CCDC60: variants seen among roughly 807,000 people sequenced by gnomAD.
CCDC60 encodes the protein coiled-coil domain-containing protein 60.
A neutral mutation model predicts 63.5 loss-of-function variants in CCDC60; 54 were observed. The observed-to-expected ratio is 0.85, with a 90% confidence interval of 0.68 to 1.07. The LOEUF (loss-of-function observed/expected upper bound fraction) is 1.07. CCDC60 is among the 50% of genes least tolerant of loss of function. The probability of loss-of-function intolerance (pLI) is 0.00; values close to 1 mark genes in which losing one functional copy is unlikely to be tolerated. For missense variants in CCDC60, 651 were observed against 684.3 expected (o/e 0.95, Z 0.54); for synonymous variants, 206 against 238.8 (o/e 0.86, Z 1.27).
At chr12:119,477,186 G>A (rs1951192647) in intron 3 of CCDC60, among the ~76,000 whole-genome samples, 3 of 152,212 alleles carry the variant, frequency 2.0e-5, no homozygotes, top group Non-Finnish European at 4.4e-5. Flanking sequence ...AATGCTGAGT[G>A]AGCATCCCAG....
intron 1 of CCDC60, among the ~76,000 whole-genome samples, chr12:119,348,216 A>G (rs1258269063): frequency 6.6e-6 from 1 of 152,180 alleles, no homozygotes; most frequent in Non-Finnish European, 1.5e-5. Context: ...ATACCAAAGA[A>G]TTTGAGACAC....
In CCDC60 at chr12:119,516,684, T is replaced by C. The variant is rs778204358; in HGVS notation, c.945T>C (p.Asn315=). 5.6e-6 allele frequency: 9 copies of C among 1,613,566 alleles called. No individual in the cohort carries two copies. The highest frequency in any genetic ancestry group is 1.1e-5 in the South Asian group (1 of 91,058). The change falls in exon 8 of 14, where the codon AAT becomes AAC. Residue 315 remains asparagine (N), a synonymous_variant. Coordinates refer to ENST00000327554, the MANE Select transcript of CCDC60 (RefSeq NM_178499.5). The stretch of plus-strand genomic sequence containing the variant: ...CCCGGAGGACAGTCACAATAGAAAA[T>C]GGGATGCAAAGAAAAGCACCCAGGT... ...EDARRTVTIE[N]GMQRKAPSIL... is the part of the protein sequence containing the mutation.
chr12:119,449,321 C>T (rs1251485536), intron 2 of CCDC60, among the ~76,000 whole-genome samples: 1 of 152,200 alleles, frequency 6.6e-6, no homozygotes. Flanking sequence ...AAATAACTTT[C>T]CTGAGAGGCA....
intron 5 of CCDC60, among the ~76,000 whole-genome samples, chr12:119,489,643 A>G (rs901104031): frequency 8.5e-5 from 13 of 152,182 alleles, no homozygotes; most frequent in African/African-American, 2.7e-4. Context: ...CAAGAAGAGG[A>G]CAAACAAAAG....
Position 119,522,923 on chromosome 12 carries a change from T to C in CCDC60, c.1041-16T>C. On this transcript the variant is annotated splice_polypyrimidine_tract_variant and intron_variant, in intron 9 of 13. Coordinates refer to ENST00000327554, the MANE Select transcript of CCDC60 (RefSeq NM_178499.5). ...GCAGACTCTGAGCAACTTGAAACCA[T>C]CCTTTTGTGTTTCAGTGAGAGATCC... 1 of 1,613,202 alleles carries C rather than the reference T, an allele frequency of 6.2e-7. No individual in the cohort carries two copies. The highest frequency in any genetic ancestry group is 8.5e-7 in the Non-Finnish European group (1 of 1,179,206).
At chr12:119,442,823 G>A (rs1341349186) in intron 2 of CCDC60, among the ~76,000 whole-genome samples, 2 of 152,218 alleles carry the variant, frequency 1.3e-5, no homozygotes, top group East Asian at 3.8e-4. Flanking sequence ...AATTTACACG[G>A]TGCTTCCATT....
Position 119,420,551 on chromosome 12 carries a change from G to C in CCDC60, c.91-8132G>C, listed in dbSNP as rs773506348. On this transcript the variant is annotated intron_variant, in intron 1 of 13. Coordinates refer to ENST00000327554, the MANE Select transcript of CCDC60 (RefSeq NM_178499.5). The surrounding 1 kb of genome is among the most constrained non-coding windows in gnomAD (Gnocchi z 4.1). Reference sequence around the variant, plus strand: ...AATGGACATAGGTAGTAGAAGGATGGTTATTAGAGGCTGGGAAGGATAGTG... The same window carrying C: ...AATGGACATAGGTAGTAGAAGGATGCTTATTAGAGGCTGGGAAGGATAGTG... Among the ~76,000 whole-genome samples the C allele has an allele frequency of 1.8e-4, 28 of 152,160 alleles. No individual in the cohort carries two copies. The highest frequency in any genetic ancestry group is 6.8e-4 in the African/African-American group (28 of 41,448).
intron 7 of CCDC60, among the ~76,000 whole-genome samples, chr12:119,514,929 C>T (rs1238571140): frequency 2.0e-5 from 3 of 152,152 alleles, no homozygotes; most frequent in Admixed American, 1.3e-4. Flanking sequence ...CCTAGATACA[C>T]AAATACTTAA....
chr12:119,532,619 G>A (rs1306969065), intron 13 of CCDC60, among the ~76,000 whole-genome samples: 2 of 151,596 alleles, frequency 1.3e-5, no homozygotes, highest in African/African-American at 4.9e-5. Context: ...CCCTTCCTGT[G>A]TCCATGTGTT....
chr12:119,335,316 A>G, intron 1 of CCDC60, 50 bp downstream of exon 1: 1 of 1,386,454 alleles, frequency 7.2e-7, no homozygotes, highest in South Asian at 1.3e-5. Flanking sequence ...AACAAGTGAA[A>G]TAGGAATTAG....
chr12:119,429,549 T>G (rs528547841), intron 2 of CCDC60: 2 of 152,262 alleles, frequency 1.3e-5, no homozygotes, highest in East Asian at 3.9e-4. Context: ...GTTCTATTGA[T>G]CTTAGACATC....
At chr12:119,479,446 A>C (rs1447417395) in intron 4 of CCDC60, 2 of 476,584 alleles carry the variant, frequency 4.2e-6, no homozygotes, top group Non-Finnish European at 7.7e-6. Flanking sequence ...AGACGCTCTA[A>C]TGTCAAATAG....
intron 1 of CCDC60, among the ~76,000 whole-genome samples, chr12:119,358,436 C>T (rs1955740286): frequency 1.3e-5 from 2 of 152,194 alleles, no homozygotes; most frequent in Admixed American, 6.5e-5. Flanking sequence ...CCACAAGATG[C>T]CACGCCAGCC....
rs71072515 is a variant in CCDC60 at position 119,361,198 on chromosome 12, CGAGAGG to C, written c.90+25950_90+25955del. 2.0e-4 allele frequency among the ~76,000 whole-genome samples: 22 copies of C among 109,956 alleles called. No individual in the cohort carries two copies. The South Asian group carries it at 2.6e-3, about 13-fold the overall frequency. 72.1% of individuals were successfully genotyped at this position (109,956 alleles called of 152,430 possible). ...AGGGAGAGGGAGAGGGAGAGGGAGACGAGAGGGAGAGGGAGAGGGAGAGCTCAAGTC... is the reference window on the plus strand; with the variant it reads ...AGGGAGAGGGAGAGGGAGAGGGAGACGAGAGGGAGAGGGAGAGCTCAAGTC... On this transcript the variant is annotated intron_variant, in intron 1 of 13. Coordinates refer to ENST00000327554, the MANE Select transcript of CCDC60 (RefSeq NM_178499.5).
intron 8 of CCDC60, 65 bp from the exon 9 acceptor site, chr12:119,520,056 T>A: frequency 2.2e-6 from 3 of 1,373,632 alleles, no homozygotes; most frequent in Non-Finnish European, 3.1e-6. Flanking sequence ...TCCTCCCACA[T>A]GTAGTTACTG....
At chr12:119,439,150 C>CAAAAAAAAA (rs11317847) in intron 2 of CCDC60, among the ~76,000 whole-genome samples, 2 of 72,284 alleles carry the variant, frequency 2.8e-5, no homozygotes, top group East Asian at 4.9e-4. Flanking sequence ...CTTTTCTGGG[C>CAAAAAAAAA]AAAAAAAAAA....
chr12:119,446,884 G>A (rs147976457), intron 2 of CCDC60, among the ~76,000 whole-genome samples: 6 of 152,214 alleles, frequency 3.9e-5, no homozygotes, highest in African/African-American at 7.2e-5. Flanking sequence ...TATCCCAGAC[G>A]GAGAAAGCAA....
chr12:119,433,064 C>T (rs1950260225), intron 2 of CCDC60, among the ~76,000 whole-genome samples: 3 of 152,066 alleles, frequency 2.0e-5, no homozygotes, highest in South Asian at 2.1e-4. Context: ...TTTGGTAGCT[C>T]GAAAGCAACT....
chr12:119,501,218 G>C (rs1023834702), intron 6 of CCDC60, among the ~76,000 whole-genome samples: 1 of 152,322 alleles, frequency 6.6e-6, no homozygotes, highest in Admixed American at 6.5e-5. Flanking sequence ...AGAATGCTTA[G>C]CATTACTGTG....
Sources: gnomAD v4.1 joint callset for allele counts (sites outside exome capture counted in the v4.1 genomes callset) on GRCh38, gnomAD v4.1.1 for gene constraint, Gnocchi (gnomAD v3.1) non-coding constraint, MANE v1.5 for transcripts, NCBI Gene and HGNC (gene_info 2026-07-23, HGNC 2026-07-21) for gene names.